COL23A1: variants seen among roughly 807,000 people sequenced by gnomAD.
COL23A1 encodes the protein collagen type XXIII alpha 1 chain.
COL23A1 carries 97 observed loss-of-function variants against 99.3 expected under a neutral mutation model. The observed-to-expected ratio is 0.98, with a 90% CI of 0.83 to 1.16. COL23A1 has a LOEUF of 1.16. Among genes scored for constraint, COL23A1 ranks in the 50% most tolerant of loss-of-function variants. The pLI is 0.00. For synonymous variants in COL23A1, 320 were observed against 308.2 expected (o/e 1.04, Z -0.40); for missense variants, 762 against 757.4 (o/e 1.01, Z -0.07).
At chr5:178,333,207 C>T (rs564103540) in intron 2 of COL23A1, among the ~76,000 whole-genome samples, 3 of 152,286 alleles carry the variant, frequency 2.0e-5, no homozygotes, top group Admixed American at 6.5e-5. Flanking sequence ...CCACCCACCT[C>T]GGCCTCCCAG....
At chr5:178,385,760 C>T (rs1303491839) in intron 2 of COL23A1, among the ~76,000 whole-genome samples, 2 of 152,222 alleles carry the variant, frequency 1.3e-5, no homozygotes, top group Admixed American at 1.3e-4. Context: ...AGAGGATGCT[C>T]CACAGAGGCC....
At position 178,362,352 on chromosome 5, in the gene COL23A1, G is replaced by A. The variant is rs143045026; in HGVS notation, c.362-55433C>T. Among the ~76,000 whole-genome samples, 681 of 152,266 alleles carry A rather than the reference G, an allele frequency of 4.5e-3. 4 individuals carry two copies. Among genetic ancestry groups the A allele is most frequent in the African/African-American group, 0.016 (646 of 41,522 alleles). On this transcript the variant is annotated intron_variant, in intron 2 of 28. Transcript: ENST00000390654. ...GGCATGTCCCACTGAACCATGGACAGCTCTGTGTCTCAGTGGGCCCACAGC... is the reference window on the plus strand; with the variant it reads ...GGCATGTCCCACTGAACCATGGACAACTCTGTGTCTCAGTGGGCCCACAGC...
At chr5:178,299,517 G>C (rs73344811) in intron 3 of COL23A1, among the ~76,000 whole-genome samples, 3,279 of 151,990 alleles carry the variant, frequency 0.022, 112 homozygotes, top group African/African-American at 0.075. Flanking sequence ...CCCTGATTTT[G>C]GTAATTTGAG....
In COL23A1 at chr5:178,313,024, G is replaced by C. The variant is rs1249308685; in HGVS notation, c.362-6105C>G. On this transcript the variant is annotated intron_variant, in intron 2 of 28. Transcript: ENST00000390654. The surrounding 1 kb of genome is among the most constrained non-coding windows in gnomAD (Gnocchi z 4.2). ...ACGTGAGTCAGCCCTGGAGAGGAAG[G>C]AGTTCCTGCGCACGCTGCAGCATGA... 6.6e-5 allele frequency among the ~76,000 whole-genome samples: 10 copies of C among 152,218 alleles called. No homozygotes were observed. The highest frequency in any genetic ancestry group is 5.2e-4 in the Admixed American group (8 of 15,288).
chr5:178,302,755 T>C (rs1758142920), intron 3 of COL23A1, among the ~76,000 whole-genome samples: 1 of 152,234 alleles, frequency 6.6e-6, no homozygotes, highest in South Asian at 2.1e-4. Flanking sequence ...GCAGCTTCAA[T>C]GTTCAACAAT....
intron 2 of COL23A1, among the ~76,000 whole-genome samples, chr5:178,412,026 T>C (rs1765081178): frequency 6.6e-6 from 1 of 152,202 alleles, no homozygotes; most frequent in African/African-American, 2.4e-5. Context: ...GGCAAGTCCA[T>C]TGACAGAGTT....
At chr5:178,245,574 C>G in intron 25 of COL23A1, among the ~76,000 whole-genome samples, 1 of 150,498 alleles carries the variant, frequency 6.6e-6, no homozygotes, top group Non-Finnish European at 1.5e-5. Flanking sequence ...ATTCACCCAT[C>G]CATCCATTCA....
chr5:178,509,041 A>G (rs1759043238), intron 2 of COL23A1, among the ~76,000 whole-genome samples: 1 of 152,194 alleles, frequency 6.6e-6, no homozygotes, highest in African/African-American at 2.4e-5. Context: ...CACAAGGTCA[A>G]GTACCTTTCC....
intron 18 of COL23A1, among the ~76,000 whole-genome samples, chr5:178,249,683 AACACACACACACAC>A (rs746295532): frequency 1.9e-4 from 23 of 118,382 alleles, no homozygotes; most frequent in African/African-American, 9.3e-4. Context: ...TGTATAGGAT[AACACACACACACAC>A]ACACACACAC....
At chr5:178,422,325 T>G (rs1203267263) in intron 2 of COL23A1, among the ~76,000 whole-genome samples, 1 of 152,180 alleles carries the variant, frequency 6.6e-6, no homozygotes, top group Non-Finnish European at 1.5e-5. Context: ...CACAGGCAGC[T>G]GCATTTTCCC....
intron 2 of COL23A1, among the ~76,000 whole-genome samples, chr5:178,519,007 C>G (rs1334058130): frequency 6.7e-6 from 1 of 150,370 alleles, no homozygotes; most frequent in Non-Finnish European, 1.5e-5. Context: ...AGCGCCGCGA[C>G]TGTCCCGGCT....
intron 27 of COL23A1, among the ~76,000 whole-genome samples, chr5:178,240,427 C>T (rs886853101): frequency 9.8e-5 from 15 of 152,302 alleles, no homozygotes; most frequent in African/African-American, 2.9e-4. Context: ...ACACAGCACA[C>T]GGCACACGGC....
chr5:178,574,252 GA>G (rs758359387), intron 1 of COL23A1, among the ~76,000 whole-genome samples: 7 of 152,176 alleles, frequency 4.6e-5, no homozygotes, highest in Admixed American at 6.5e-5. Flanking sequence ...GTGGAGACAA[GA>G]AAGGGGCATA....
chr5:178,391,930 G>A (rs533243459), intron 2 of COL23A1, among the ~76,000 whole-genome samples: 6 of 152,236 alleles, frequency 3.9e-5, no homozygotes, highest in South Asian at 2.1e-4. Context: ...GGATGAACAT[G>A]CAGGAATCTT....
Position 178,255,157 on chromosome 5 carries a change from C to A in COL23A1, c.883-131G>T, listed in dbSNP as rs776927450. The A allele has an allele frequency of 4.1e-6, 3 of 737,194 alleles. No individual in the cohort carries two copies. Among genetic ancestry groups the A allele is most frequent in the Non-Finnish European group, 7.0e-6 (3 of 427,082 alleles). The allele number at this position is 737,194 out of a possible 1,614,324, so 45.7% of individuals were successfully genotyped here. On this transcript the variant is annotated intron_variant, in intron 15 of 28. Coordinates refer to ENST00000390654, the MANE Select transcript of COL23A1 (RefSeq NM_173465.4). This position sits in a 1 kb window ranked among gnomAD's most constrained non-coding sequence, Gnocchi z 4.2. ...CCTCGTCACCCAGGCTGCACGCATG[C>A]CCCTCCCCAGGGTGGATGGAGGGAA...
At chr5:178,454,762 G>A (rs6868991) in intron 2 of COL23A1, among the ~76,000 whole-genome samples, 19,655 of 152,230 alleles carry the variant, frequency 0.13, 2,946 homozygotes, top group East Asian at 0.49. Flanking sequence ...ATTCCACGCC[G>A]GTGTGCAGGC....
chr5:178,477,884 A>G (rs1016118931), intron 2 of COL23A1, among the ~76,000 whole-genome samples: 1 of 152,204 alleles, frequency 6.6e-6, no homozygotes, highest in African/African-American at 2.4e-5. Flanking sequence ...AGGAGGTAGG[A>G]GTGATTGACC....
intron 5 of COL23A1, among the ~76,000 whole-genome samples, chr5:178,277,453 G>A (rs1157401006): frequency 1.3e-5 from 2 of 152,234 alleles, no homozygotes; most frequent in African/African-American, 4.8e-5. Context: ...CCAGAGTTTG[G>A]GCTTTTCTTG....
chr5:178,428,224 T>C lies in COL23A1; in HGVS notation c.362-121305A>G, dbSNP rs908972774. Among the ~76,000 whole-genome samples, 3 of 152,218 alleles carry C rather than the reference T, an allele frequency of 2.0e-5. No individual in the cohort carries two copies. Among genetic ancestry groups the C allele is most frequent in the African/African-American group, 7.2e-5 (3 of 41,448 alleles). The stretch of plus-strand genomic sequence containing the variant: ...CCCCTTAGGTGACCAAGCCTTCTGC[T>C]GTGGGCTCCCCGAGGCATTTCCTGG... On this transcript the variant is annotated intron_variant, in intron 2 of 28. Transcript: ENST00000390654. This position sits in a 1 kb window ranked among gnomAD's most constrained non-coding sequence, Gnocchi z 5.0.
Sources: allele counts gnomAD v4.1 joint callset (sites outside exome capture counted in the v4.1 genomes callset), GRCh38; gene constraint gnomAD v4.1.1; non-coding constraint Gnocchi (gnomAD v3.1); transcripts MANE v1.5; gene names NCBI Gene and HGNC (gene_info 2026-07-23, HGNC 2026-07-21).